Variants in PPFIBP2 observed in about 807,000 individuals in gnomAD.
The protein encoded by PPFIBP2 is liprin-beta-2.
Under a neutral mutation model 118.3 loss-of-function variants are expected in PPFIBP2, and 118 were observed. The observed-to-expected ratio is 1.00, with a 90% confidence interval of 0.86 to 1.16. PPFIBP2 has a LOEUF of 1.16. PPFIBP2 is among the 50% of genes most tolerant of loss of function. The probability of loss-of-function intolerance (pLI) is 0.00; values close to 1 mark genes in which losing one functional copy is unlikely to be tolerated. For synonymous variants in PPFIBP2, 414 were observed against 397.4 expected (o/e 1.04, Z -0.50); for missense variants, 1,195 against 1,073.1 (o/e 1.11, Z -1.59).
intron 4 of PPFIBP2, among the ~76,000 whole-genome samples, chr11:7,593,828 G>T (rs116992988): frequency 1.3e-5 from 2 of 152,212 alleles, no homozygotes; most frequent in Non-Finnish European, 2.9e-5. Flanking sequence ...GCCTTGGTAG[G>T]ACATAGAGTT....
intron 1 of PPFIBP2, among the ~76,000 whole-genome samples, chr11:7,539,733 C>T (rs186569593): frequency 6.2e-4 from 95 of 152,172 alleles, no homozygotes; most frequent in African/African-American, 2.2e-3. Context: ...GGAGAGGATC[C>T]TTGGAGATAA....
chr11:7,532,805 G>A (rs1044989384), intron 1 of PPFIBP2, among the ~76,000 whole-genome samples: 5 of 152,170 alleles, frequency 3.3e-5, no homozygotes, highest in Admixed American at 3.3e-4. Context: ...TTATTGCAAG[G>A]GGAAAAGCAT....
intron 1 of PPFIBP2, among the ~76,000 whole-genome samples, chr11:7,536,055 AC>A: frequency 6.6e-6 from 1 of 152,250 alleles, no homozygotes; most frequent in African/African-American, 2.4e-5. Context: ...TACTCTGTTA[AC>A]ATTTAACCTT....
the PPFIBP2 span, among the ~76,000 whole-genome samples, chr11:7,663,021 G>A: frequency 7.4e-6 from 1 of 135,822 alleles, no homozygotes; most frequent in Non-Finnish European, 1.7e-5. Flanking sequence ...GCACTTCTCT[G>A]TATTGGTTAT....
At chr11:7,578,485 T>C (rs905982117) in intron 3 of PPFIBP2, among the ~76,000 whole-genome samples, 1 of 152,202 alleles carries the variant, frequency 6.6e-6, no homozygotes, top group Non-Finnish European at 1.5e-5. Flanking sequence ...TCCCGGACAC[T>C]GAGCTGGCTG....
At chr11:7,665,164 TCCAGCCTCCAAGCAAGGAGGCC>T in the PPFIBP2 span, 1 of 455,496 alleles carries the variant, frequency 2.2e-6, no homozygotes, top group South Asian at 4.3e-5. Flanking sequence ...TGGAGCTCTT[TCCAGCCTCCAAGCAAGGAGGCC>T]CCAGCAGCCA....
At chr11:7,544,873 C>G (rs1279409781) in intron 1 of PPFIBP2, among the ~76,000 whole-genome samples, 1 of 151,616 alleles carries the variant, frequency 6.6e-6, no homozygotes, top group Non-Finnish European at 1.5e-5. Flanking sequence ...TGGGTTCTGG[C>G]TCTCTCTGTC....
At chr11:7,597,485 C>G in intron 4 of PPFIBP2, 75 bp from the exon 5 acceptor site, 2 of 1,536,586 alleles carry the variant, frequency 1.3e-6, no homozygotes, top group Non-Finnish European at 8.9e-7. Context: ...TTTAACGGCT[C>G]CCCTGAGGTG....
intron 1 of PPFIBP2, among the ~76,000 whole-genome samples, chr11:7,531,768 A>G (rs965582872): frequency 6.6e-6 from 1 of 151,974 alleles, no homozygotes; most frequent in Admixed American, 6.5e-5. Flanking sequence ...CCAGAACTCT[A>G]AGATCAGGGT....
intron 14 of PPFIBP2, among the ~76,000 whole-genome samples, chr11:7,637,288 T>C (rs1260328422): frequency 6.6e-6 from 1 of 152,216 alleles, no homozygotes; most frequent in African/African-American, 2.4e-5. Context: ...ATTCTAGATG[T>C]AGTCTGACCA....
chr11:7,626,368 C>G (rs1850007859), intron 8 of PPFIBP2, among the ~76,000 whole-genome samples: 1 of 152,214 alleles, frequency 6.6e-6, no homozygotes. Context: ...GATTTCAAAT[C>G]TTACTTCTCA....
At chr11:7,619,539 G>C (rs1047370155) in intron 6 of PPFIBP2, among the ~76,000 whole-genome samples, 1 of 152,218 alleles carries the variant, frequency 6.6e-6, no homozygotes, top group African/African-American at 2.4e-5. Flanking sequence ...CACTCCCCCA[G>C]ATGCCATGGG....
intron 5 of PPFIBP2, among the ~76,000 whole-genome samples, chr11:7,606,461 A>T (rs1847351340): frequency 6.6e-6 from 1 of 152,212 alleles, no homozygotes; most frequent in African/African-American, 2.4e-5. Context: ...AGGGACCAAA[A>T]CAGTAATCAT....
rs1457386348 is a variant in PPFIBP2, at chr11:7,610,406, A to G, written c.602A>G (p.Lys201Arg). 1.2e-6 allele frequency: 2 copies of G among 1,613,714 alleles called. No homozygotes were observed. Among genetic ancestry groups the G allele is most frequent in the Non-Finnish European group, 1.7e-6 (2 of 1,179,954 alleles). The change falls in exon 6 of 24, where the codon AAG becomes AGG. Residue 201 changes from lysine (K) to arginine (R), a missense_variant. Transcript: ENST00000299492. ...AAGGAGCAGAGAGAGCAGGAGGAGAAGCAGAGAAAAGCAGAGGTAAGGGTG... is the reference window on the plus strand; with the variant it reads ...AAGGAGCAGAGAGAGCAGGAGGAGAGGCAGAGAAAAGCAGAGGTAAGGGTG... ...MEKEQREQEE[K>R]QRKAEELLQE...
At chr11:7,567,837 T>C (rs554011970) in intron 3 of PPFIBP2, among the ~76,000 whole-genome samples, 4 of 152,328 alleles carry the variant, frequency 2.6e-5, no homozygotes, top group Non-Finnish European at 5.9e-5. Flanking sequence ...TTGTGAAAAA[T>C]GCAGACTATG....
At chr11:7,656,539 T>C (rs956630813), downstream of PPFIBP2, among the ~76,000 whole-genome samples, 1 of 152,192 alleles carries the variant, frequency 6.6e-6, no homozygotes, top group African/African-American at 2.4e-5. Flanking sequence ...GATGAACAAT[T>C]TATTTTTATC....
chr11:7,517,291 G>A (rs535222974), intron 1 of PPFIBP2, among the ~76,000 whole-genome samples: 1 of 152,322 alleles, frequency 6.6e-6, no homozygotes, highest in Admixed American at 6.5e-5. Context: ...CCTGGGAGGA[G>A]CAGATTGGCT....
At chr11:7,615,663 G>C (rs903470388) in intron 6 of PPFIBP2, among the ~76,000 whole-genome samples, 1 of 152,206 alleles carries the variant, frequency 6.6e-6, no homozygotes, top group Admixed American at 6.5e-5. Context: ...TCTACTCAGA[G>C]GGTAGAAGAC....
chr11:7,642,749 A>G (rs1481580352), intron 17 of PPFIBP2, among the ~76,000 whole-genome samples: 1 of 152,252 alleles, frequency 6.6e-6, no homozygotes, highest in Non-Finnish European at 1.5e-5. Context: ...TGCAGAGTAC[A>G]GGTAATTACT....
Sources: gnomAD v4.1 joint callset for allele counts (sites outside exome capture counted in the v4.1 genomes callset) on GRCh38, gnomAD v4.1.1 for gene constraint, MANE v1.5 for transcripts, NCBI Gene and HGNC (gene_info 2026-07-23, HGNC 2026-07-21) for gene names.